Variants in KCNAB2 observed in about 807,000 individuals in gnomAD.
KCNAB2 encodes potassium voltage-gated channel subfamily A regulatory beta subunit 2.
Under a neutral mutation model 63.6 loss-of-function variants are expected in KCNAB2, and 29 were observed. The observed-to-expected ratio is 0.46, with a 90% CI of 0.34 to 0.62. The LOEUF (loss-of-function observed/expected upper bound fraction) is 0.62. Among genes scored for constraint, KCNAB2 ranks in the 20% least tolerant of loss-of-function variants. The pLI is 0.01. For synonymous variants in KCNAB2, 222 were observed against 224.2 expected (o/e 0.99, Z 0.09); for missense variants, 359 against 563.9 (o/e 0.64, Z 3.68).
chr1:6,098,692 CT>C lies in KCNAB2; in HGVS notation c.*119del. On this transcript the variant is annotated 3_prime_UTR_variant, in exon 16 of 16. Coordinates refer to ENST00000378083, the MANE Select transcript of KCNAB2 (RefSeq NM_001199862.2). The stretch of plus-strand genomic sequence containing the variant: ...TTTGCATCCAAGAGAAAACACCACA[CT>C]GTGATGTCATCGGGAAATGATCTCC... 2 of 1,238,594 alleles carry C rather than the reference CT, an allele frequency of 1.6e-6. No individual in the cohort carries two copies. Among genetic ancestry groups the C allele is most frequent in the Non-Finnish European group, 2.2e-6 (2 of 890,898 alleles). The allele number at this position is 1,238,594 out of a possible 1,614,324, so 76.7% of individuals were successfully genotyped here.
intron 14 of KCNAB2, 118 bp from the exon 15 acceptor site, chr1:6,097,151 C>G: frequency 1.7e-6 from 2 of 1,188,838 alleles, no homozygotes; most frequent in Non-Finnish European, 2.3e-6. Context: ...GCTTCCTAGA[C>G]CCCCTCAGAC....
chr1:6,065,733 A>G (rs1354962259), intron 2 of KCNAB2, among the ~76,000 whole-genome samples: 2 of 152,114 alleles, frequency 1.3e-5, no homozygotes, highest in African/African-American at 4.8e-5. Context: ...TTGGGCAGCC[A>G]GGGCTGGTTG....
intron 1 of KCNAB2, among the ~76,000 whole-genome samples, chr1:6,007,205 G>GC (rs1570841921): frequency 6.6e-6 from 1 of 152,070 alleles, no homozygotes; most frequent in South Asian, 2.1e-4. Context: ...ACTGCATGGG[G>GC]GGGGCTCAGC....
intron 10 of KCNAB2, among the ~76,000 whole-genome samples, chr1:6,093,714 CG>C (rs1299034711): frequency 2.0e-5 from 3 of 152,210 alleles, no homozygotes; most frequent in Admixed American, 6.5e-5. Flanking sequence ...AGGGGACAGG[CG>C]GGTTGGGACT....
rs1187305234 is a variant in KCNAB2 at position 6,095,510 on chromosome 1, C to T, written c.854-20C>T. 3.1e-6 allele frequency: 5 copies of T among 1,612,084 alleles called. No individual in the cohort carries two copies. The Admixed American group carries it at 6.7e-5, about 21-fold the overall frequency. ...TGCTCTCGGGCCCAGGGCTTGACTC[C>T]ACCTGCTTTTCCTCTTCAGGAGTGG... On this transcript the variant is annotated intron_variant, in intron 12 of 15. Coordinates refer to ENST00000378083, the MANE Select transcript of KCNAB2 (RefSeq NM_001199862.2).
intron 1 of KCNAB2, among the ~76,000 whole-genome samples, chr1:6,015,395 C>A (rs1002774923): frequency 2.6e-5 from 4 of 152,264 alleles, no homozygotes; most frequent in African/African-American, 9.6e-5. Context: ...TCAGGCCCAC[C>A]GTTTGTTTTT....
chr1:6,098,346 G>T, intron 15 of KCNAB2, 139 bp from the exon 16 acceptor site: 1 of 1,462,420 alleles, frequency 6.8e-7, no homozygotes. Flanking sequence ...GCCTCCATCT[G>T]CCTCAGATGG....
rs372066219 is a variant in KCNAB2 at position 6,084,809 on chromosome 1, C to CAAAAAAA, written c.381-388_381-382dup. On this transcript the variant is annotated intron_variant, in intron 5 of 15. Coordinates refer to ENST00000378083, the MANE Select transcript of KCNAB2 (RefSeq NM_001199862.2). The stretch of plus-strand genomic sequence containing the variant: ...CCATTGATAGAGCGAGACTCCATTT[C>CAAAAAAA]AAAAAAAAAAAAACAAGATACTTCT... 6.6e-3 allele frequency among the ~76,000 whole-genome samples: 922 copies of CAAAAAAA among 138,900 alleles called. 12 individuals carry two copies. The highest frequency in any genetic ancestry group is 0.023 in the African/African-American group (872 of 37,694). 91.1% of individuals were successfully genotyped at this position (138,900 alleles called of 152,430 possible).
chr1:6,087,408 A>C lies in KCNAB2; in HGVS notation c.426-59A>C. ...GTGAGAGATGAGGACGTCGGGGATG[A>C]AGGAGGACCCCCCAGGGGCCGGGCT... is the stretch of plus-strand genomic sequence containing the variant. On this transcript the variant is annotated intron_variant, in intron 6 of 15. Transcript: ENST00000378083. The surrounding 1 kb of genome is among the most constrained non-coding windows in gnomAD (Gnocchi z 6.4). The C allele has an allele frequency of 6.3e-7, 1 of 1,577,366 alleles. No individual in the cohort carries two copies. The highest frequency in any genetic ancestry group is 8.7e-7 in the Non-Finnish European group (1 of 1,146,778).
At chr1:6,000,660 A>AG (rs1253207401) in intron 1 of KCNAB2, among the ~76,000 whole-genome samples, 1 of 151,076 alleles carries the variant, frequency 6.6e-6, no homozygotes. Context: ...AGAAAAGAAA[A>AG]AAAAAAAAAA....
At position 6,086,376 on chromosome 1, in the gene KCNAB2, CT is replaced by C; in HGVS notation, c.426-1090del. On this transcript the variant is annotated intron_variant, in intron 6 of 15. Coordinates refer to ENST00000378083, the MANE Select transcript of KCNAB2 (RefSeq NM_001199862.2). The surrounding 1 kb of genome is among the most constrained non-coding windows in gnomAD (Gnocchi z 4.2). ...GAAATTGCACGTATTAGCAAATCCC[CT>C]GATCACGTCTTTGGCGAATGTGCAT... 9 of 985,410 alleles carry C rather than the reference CT, an allele frequency of 9.1e-6. No homozygotes were observed. Among genetic ancestry groups the C allele is most frequent in the Non-Finnish European group, 9.6e-6 (8 of 829,882 alleles). 61.0% of individuals were successfully genotyped at this position (985,410 alleles called of 1,614,324 possible).
At chr1:6,090,321 G>C in intron 8 of KCNAB2, 68 bp from the exon 9 acceptor site, 1 of 1,139,282 alleles carries the variant, frequency 8.8e-7, no homozygotes, top group Non-Finnish European at 1.3e-6. Flanking sequence ...AGCCGGGCAT[G>C]GATGGGCCCA....
At chr1:6,095,488 T>G in intron 12 of KCNAB2, 42 bp from the exon 13 acceptor site, 2 of 1,187,584 alleles carry the variant, frequency 1.7e-6, no homozygotes, top group Non-Finnish European at 2.4e-6. Flanking sequence ...CCACCCCTGC[T>G]CTCGGGCCCA....
In KCNAB2 at chr1:6,071,630, C is replaced by T. The variant is rs1479942339; in HGVS notation, c.219-1125C>T. 6.6e-6 allele frequency among the ~76,000 whole-genome samples: 1 copy of T among 152,190 alleles called. No individual in the cohort carries two copies. The highest frequency in any genetic ancestry group is 1.5e-5 in the Non-Finnish European group (1 of 68,016). On this transcript the variant is annotated intron_variant, in intron 2 of 15. Coordinates refer to ENST00000378083, the MANE Select transcript of KCNAB2 (RefSeq NM_001199862.2). This position sits in a 1 kb window ranked among gnomAD's most constrained non-coding sequence, Gnocchi z 8.5. ...AATCGATGTCACGACAAGCAAGGCG[C>T]CTGCTGCGTAGGGCACCTGCCGCTT... is the stretch of plus-strand genomic sequence containing the variant.
intron 1 of KCNAB2, among the ~76,000 whole-genome samples, chr1:6,029,053 G>T (rs1045507147): frequency 1.3e-5 from 2 of 152,158 alleles, no homozygotes; most frequent in African/African-American, 4.8e-5. Context: ...AGGCCCAGGC[G>T]AGTGGATCAC....
Position 6,051,705 on chromosome 1 carries a change from G to A in KCNAB2, c.169G>A (p.Gly57Ser), listed in dbSNP as rs373219940. The A allele has an allele frequency of 3.8e-4, 582 of 1,533,658 alleles. No individual in the cohort carries two copies. The highest frequency in any genetic ancestry group is 4.5e-4 in the Non-Finnish European group (521 of 1,146,680). The stretch of plus-strand genomic sequence containing the variant: ...CATGGAGAGCTTCCTCCGCATGCAC[G>A]GCCTTTCCCTGGACGGCTGCACCGC... ...RNMESFLRMHGLSLDGCTAQR... is the reference protein window; with the variant it reads ...RNMESFLRMHSLSLDGCTAQR... Residue 57 changes from glycine (G) to serine (S), a missense_variant, in exon 2 of 16, where the codon GGC becomes AGC. Around this residue, in one of 2 missense-constraint regions of KCNAB2, gnomAD observed 88 missense variants for 87.8 expected, o/e 1.00. Coordinates refer to ENST00000378083, the MANE Select transcript of KCNAB2 (RefSeq NM_001199862.2).
At chr1:6,097,185 C>G in intron 14 of KCNAB2, 84 bp from the exon 15 acceptor site, 5 of 1,419,382 alleles carry the variant, frequency 3.5e-6, no homozygotes, top group Non-Finnish European at 4.7e-6. Context: ...TGCTGGGTCT[C>G]TCGGCCCAGT....
intron 4 of KCNAB2, among the ~76,000 whole-genome samples, chr1:6,075,155 C>T (rs1663556670): frequency 6.6e-6 from 1 of 152,172 alleles, no homozygotes; most frequent in Non-Finnish European, 1.5e-5. Flanking sequence ...GACTTGGCCT[C>T]GTTTCCCTTT....
At chr1:5,995,137 G>C (rs1656874785) in intron 1 of KCNAB2, among the ~76,000 whole-genome samples, 1 of 152,180 alleles carries the variant, frequency 6.6e-6, no homozygotes, top group Non-Finnish European at 1.5e-5. Flanking sequence ...CCTGAATAAG[G>C]AGGCAGGACA....
Sources: gnomAD v4.1 joint callset for allele counts (sites outside exome capture counted in the v4.1 genomes callset) on GRCh38, gnomAD v4.1.1 for gene constraint, gnomAD v4.1.1 regional missense constraint, Gnocchi (gnomAD v3.1) non-coding constraint, MANE v1.5 for transcripts, NCBI Gene and HGNC (gene_info 2026-07-23, HGNC 2026-07-21) for gene names.